The following TBX18 variants were observed in gnomAD, a reference collection of about 807,000 sequenced individuals.
TBX18 encodes the protein T-box transcription factor 18.
A neutral mutation model predicts 55.0 loss-of-function variants in TBX18; 21 were observed. The observed-to-expected ratio is 0.38, with a 90% CI of 0.27 to 0.55. The LOEUF (loss-of-function observed/expected upper bound fraction) is 0.55, where lower values mean the gene tolerates loss of function less well. Among genes scored for constraint, TBX18 ranks in the 20% least tolerant of loss-of-function variants. TBX18 has a pLI of 0.73. For missense variants in TBX18, 840 were observed against 799.6 expected, an observed-to-expected ratio of 1.05 and a Z score of -0.61; for synonymous variants, 342 against 326.1, an observed-to-expected ratio of 1.05 and a Z score of -0.53.
intron 4 of TBX18, among the ~76,000 whole-genome samples, chr6:84,755,270 G>A (rs1767458033): frequency 6.6e-6 from 1 of 152,104 alleles, no homozygotes; most frequent in Non-Finnish European, 1.5e-5. Flanking sequence ...ACTTATACAT[G>A]AAGGTATATA....
chr6:84,764,549 A>G lies in TBX18; in HGVS notation c.-368T>C, dbSNP rs765189838. The G allele has an allele frequency of 3.9e-5, 8 of 204,356 alleles. No homozygotes were observed. Among genetic ancestry groups the G allele is most frequent in the Admixed American group, 6.0e-5 (1 of 16,654 alleles). 12.7% of individuals were successfully genotyped at this position (204,356 alleles called of 1,614,324 possible). Reference sequence around the variant, plus strand: ...CTGTGGACACAAATTAGGGATTGTAATTGAAATTTGTTGCCTTGATCTGTC... The same window carrying G: ...CTGTGGACACAAATTAGGGATTGTAGTTGAAATTTGTTGCCTTGATCTGTC... On this transcript the variant is annotated 5_prime_UTR_variant, in exon 1 of 8. Transcript: ENST00000369663.
intron 6 of TBX18, among the ~76,000 whole-genome samples, chr6:84,740,642 C>A (rs1422214713): frequency 6.6e-6 from 1 of 152,162 alleles, no homozygotes; most frequent in Non-Finnish European, 1.5e-5. Context: ...TTTAGCTGAT[C>A]ACCCTCTATT....
intron 4 of TBX18, among the ~76,000 whole-genome samples, chr6:84,751,497 T>C (rs991058880): frequency 2.0e-5 from 3 of 152,220 alleles, no homozygotes; most frequent in African/African-American, 7.2e-5. Flanking sequence ...ACTTTATGTA[T>C]CCCTGGAATG....
intron 7 of TBX18, 38 bp from the exon 8 acceptor site, chr6:84,737,447 G>A (rs1562255520): frequency 2.7e-6 from 4 of 1,492,746 alleles, no homozygotes; most frequent in Non-Finnish European, 3.6e-6. Context: ...TGACTCCACA[G>A]TCATCCTTTC....
intron 1 of TBX18, 190 bp from the exon 2 acceptor site, chr6:84,762,938 G>T: frequency 3.2e-6 from 2 of 623,564 alleles, no homozygotes; most frequent in Non-Finnish European, 5.6e-6. Context: ...TCGAAGGGGC[G>T]CATTCAGAGC....
intron 6 of TBX18, 119 bp downstream of exon 6, chr6:84,744,142 C>T: frequency 1.1e-6 from 1 of 918,512 alleles, no homozygotes; most frequent in Non-Finnish European, 1.7e-6. Context: ...CAACAGTCCT[C>T]ATCAGAAATG....
At chr6:84,761,250 A>G (rs1464609694) in intron 2 of TBX18, among the ~76,000 whole-genome samples, 1 of 152,222 alleles carries the variant, frequency 6.6e-6, no homozygotes. Flanking sequence ...TTGTTAATTT[A>G]ACCTTATAAC....
In TBX18 at chr6:84,733,820, C is replaced by A. The variant is rs1481844250; in HGVS notation, c.*2865G>T. 1 of 152,134 alleles carries A rather than the reference C, an allele frequency of 6.6e-6. No homozygotes were observed. Among genetic ancestry groups the A allele is most frequent in the Non-Finnish European group, 1.5e-5 (1 of 68,036 alleles). 9.4% of individuals were successfully genotyped at this position (152,134 alleles called of 1,614,324 possible). ...CTATTTACATTTTAAAAGTGAGATT[C>A]TTTTTCCTCAAAATTTTGCTAATTG... On this transcript the variant is annotated 3_prime_UTR_variant, in exon 8 of 8. Coordinates refer to ENST00000369663, the MANE Select transcript of TBX18 (RefSeq NM_001080508.3).
At chr6:84,763,823 C>G in intron 1 of TBX18, 67 bp downstream of exon 1, 1 of 1,435,662 alleles carries the variant, frequency 7.0e-7, no homozygotes, top group East Asian at 2.6e-5. Flanking sequence ...CGCACGCACA[C>G]CCACAGACTC....
rs187310443 is a variant in TBX18 at position 84,734,198 on chromosome 6, C to A, written c.*2487G>T. On this transcript the variant is annotated 3_prime_UTR_variant, in exon 8 of 8. Transcript: ENST00000369663. ...CTGGACCCAAAACAAAACATACCAC[C>A]CCATCCCTTTCCTCTCACATTCAAA... 1.1e-4 allele frequency: 17 copies of A among 152,276 alleles called. No homozygotes were observed. The East Asian group carries it at 3.3e-3, about 29-fold the overall frequency. 9.4% of individuals were successfully genotyped at this position (152,276 alleles called of 1,614,324 possible).
chr6:84,744,396 T>A, intron 5 of TBX18, 71 bp from the exon 6 acceptor site: 1 of 1,346,448 alleles, frequency 7.4e-7, no homozygotes, highest in Non-Finnish European at 1.1e-6. Flanking sequence ...GTTGCAAAAC[T>A]ACAATGAGTC....
At chr6:84,745,861 G>A (rs577742542) in intron 5 of TBX18, among the ~76,000 whole-genome samples, 2 of 151,732 alleles carry the variant, frequency 1.3e-5, no homozygotes, top group South Asian at 2.1e-4. Flanking sequence ...CTAAGTTTTC[G>A]GCATACTACT....
chr6:84,737,866 TA>T (rs1766923392), intron 7 of TBX18, among the ~76,000 whole-genome samples: 1 of 152,134 alleles, frequency 6.6e-6, no homozygotes, highest in Admixed American at 6.5e-5. Flanking sequence ...ATCCAACCAA[TA>T]ATAATTATCT....
intron 7 of TBX18, 137 bp from the exon 8 acceptor site, chr6:84,737,546 A>G (rs1249994302): frequency 5.2e-6 from 5 of 957,384 alleles, no homozygotes; most frequent in Non-Finnish European, 7.0e-6. Flanking sequence ...AGATGGTCTC[A>G]GCTTTCAAGG....
At position 84,736,317 on chromosome 6, in the gene TBX18, G is replaced by A. The variant is rs1773939844; in HGVS notation, c.*368C>T. ...ATGAAACCGTTTAGAGCATTTTTCT[G>A]ATAAATTAAGTTATAAGTGTTCTTC... On this transcript the variant is annotated 3_prime_UTR_variant, in exon 8 of 8. Transcript: ENST00000369663. The A allele has an allele frequency of 6.3e-6, 1 of 157,802 alleles. No homozygotes were observed. The highest frequency in any genetic ancestry group is 1.4e-5 in the Non-Finnish European group (1 of 71,800). The allele number at this position is 157,802 out of a possible 1,614,324, so 9.8% of individuals were successfully genotyped here.
intron 6 of TBX18, 99 bp from the exon 7 acceptor site, chr6:84,738,690 T>C (rs943260117): frequency 5.2e-5 from 45 of 872,584 alleles, no homozygotes; most frequent in Middle Eastern, 3.2e-4. Context: ...AACACTGATA[T>C]TGACAGTACC....
intron 2 of TBX18, among the ~76,000 whole-genome samples, chr6:84,761,665 T>C (rs1290609719): frequency 6.6e-6 from 1 of 152,222 alleles, no homozygotes; most frequent in South Asian, 2.1e-4. Flanking sequence ...AAGCTTATTA[T>C]TCATAGATTT....
Position 84,757,210 on chromosome 6 carries a change from C to T in TBX18, c.600-341G>A, listed in dbSNP as rs533612116. ...TTTTCTTCTGAATATTCCATCGACA[C>T]GAAAAAACAAATAGCTTGTCAAGTT... is the stretch of plus-strand genomic sequence containing the variant. On this transcript the variant is annotated intron_variant, in intron 3 of 7. Transcript: ENST00000369663. Among the ~76,000 whole-genome samples, 3 of 152,104 alleles carry T rather than the reference C, an allele frequency of 2.0e-5. 1 individual carries two copies. Among genetic ancestry groups the T allele is most frequent in the Middle Eastern group, 6.8e-3 (2 of 294 alleles).
intron 7 of TBX18, 88 bp downstream of exon 7, chr6:84,738,404 TGTAAG>T: frequency 1.0e-6 from 1 of 966,524 alleles, no homozygotes; most frequent in Non-Finnish European, 1.7e-6. Flanking sequence ...AGGTCATTAT[TGTAAG>T]TATAAATAAT....
Sources: gnomAD v4.1 joint callset for allele counts (sites outside exome capture counted in the v4.1 genomes callset) on GRCh38, gnomAD v4.1.1 for gene constraint, MANE v1.5 for transcripts, NCBI Gene and HGNC (gene_info 2026-07-23, HGNC 2026-07-21) for gene names.